The following ACBD3 variants were observed in gnomAD, a reference collection of about 807,000 sequenced individuals.
ACBD3 encodes acyl-CoA binding domain containing 3, also known as Golgi resident protein GCP60.
A neutral mutation model predicts 66.9 loss-of-function variants in ACBD3; 30 were observed. The ratio of observed to expected loss-of-function variants is 0.45; its 90% CI spans 0.34 to 0.61. ACBD3 has a LOEUF of 0.61. ACBD3 is among the 20% of genes least tolerant of loss of function. The probability of loss-of-function intolerance (pLI) is 0.02; values close to 1 mark genes in which losing one functional copy is unlikely to be tolerated. For missense variants in ACBD3, 544 were observed against 664.5 expected (o/e 0.82, Z 1.99); for synonymous variants, 278 against 259.8 (o/e 1.07, Z -0.68).
chr1:226,177,206 G>A (rs191298566), intron 1 of ACBD3, among the ~76,000 whole-genome samples: 3 of 141,464 alleles, frequency 2.1e-5, no homozygotes, highest in East Asian at 2.1e-4. Flanking sequence ...TGCTTTTGTC[G>A]CTTGAACCGG....
At chr1:226,183,536 T>A (rs1013927513) in intron 1 of ACBD3, among the ~76,000 whole-genome samples, 4 of 152,012 alleles carry the variant, frequency 2.6e-5, no homozygotes, top group Non-Finnish European at 5.9e-5. Flanking sequence ...AACCATAGAA[T>A]AGCGATTAAA....
At chr1:226,152,269 T>C (rs1475189745) in intron 7 of ACBD3, 66 bp downstream of exon 7, 2 of 1,575,802 alleles carry the variant, frequency 1.3e-6, no homozygotes, top group Non-Finnish European at 1.7e-6. Context: ...GGGTGACACC[T>C]GAACTATGTA....
chr1:226,162,445 T>A (rs921776918), intron 3 of ACBD3, among the ~76,000 whole-genome samples: 1 of 152,226 alleles, frequency 6.6e-6, no homozygotes, highest in East Asian at 1.9e-4. Flanking sequence ...TATTTGTGTA[T>A]TATTTCTGAA....
At chr1:226,184,570 A>C (rs1250483978) in intron 1 of ACBD3, among the ~76,000 whole-genome samples, 1 of 152,212 alleles carries the variant, frequency 6.6e-6, no homozygotes, top group Non-Finnish European at 1.5e-5. Flanking sequence ...ATTTTATAGA[A>C]TCCAGCTCCC....
At position 226,145,958 on chromosome 1, in the gene ACBD3, G is replaced by C. The variant is rs541473253; in HGVS notation, c.*652C>G. Reference sequence around the variant, plus strand: ...AAGAAAAATCTCTGAGGTGTTCTACGTATCTTGATACTTCAATTATCAATT... The same window carrying C: ...AAGAAAAATCTCTGAGGTGTTCTACCTATCTTGATACTTCAATTATCAATT... On this transcript the variant is annotated 3_prime_UTR_variant, in exon 8 of 8. Transcript: ENST00000366812. The C allele has an allele frequency of 2.6e-5, 4 of 152,690 alleles. No individual in the cohort carries two copies. The highest frequency in any genetic ancestry group is 9.6e-5 in the African/African-American group (4 of 41,548). 9.5% of individuals were successfully genotyped at this position (152,690 alleles called of 1,614,324 possible).
At chr1:226,159,068 T>G (rs2102779089) in intron 5 of ACBD3, 116 bp downstream of exon 5, 8 of 1,197,868 alleles carry the variant, frequency 6.7e-6, no homozygotes, top group Non-Finnish European at 9.5e-6. Context: ...AAAAGTTACT[T>G]TACACCTTAG....
chr1:226,145,010 G>T lies in ACBD3; in HGVS notation c.*1600C>A, dbSNP rs1282698421. 6.6e-6 allele frequency: 1 copy of T among 152,304 alleles called. No individual in the cohort carries two copies. The highest frequency in any genetic ancestry group is 2.4e-5 in the African/African-American group (1 of 41,380). 9.4% of individuals were successfully genotyped at this position (152,304 alleles called of 1,614,324 possible). A position where few individuals can be genotyped will look rare whatever the true frequency, so the allele number is the denominator to read the frequency against. ...TTCTCATAAAAAAAAAATCCAGGAA[G>T]TGCCTAACTCCATGGTTTCTATACC... On this transcript the variant is annotated 3_prime_UTR_variant, in exon 8 of 8. Coordinates refer to ENST00000366812, the MANE Select transcript of ACBD3 (RefSeq NM_022735.4).
At chr1:226,176,426 T>C in intron 1 of ACBD3, among the ~76,000 whole-genome samples, 1 of 70,324 alleles carries the variant, frequency 1.4e-5, no homozygotes. Context: ...CGAGACTCCG[T>C]CTCAAAAAAA....
chr1:226,145,903 A>G lies in ACBD3; in HGVS notation c.*707T>C, dbSNP rs929516281. On this transcript the variant is annotated 3_prime_UTR_variant, in exon 8 of 8. Coordinates refer to ENST00000366812, the MANE Select transcript of ACBD3 (RefSeq NM_022735.4). ...AGTAGTATGAATACCAAATAAAGAT[A>G]CAAGGATTCAAAGTTTGTGGAAGTT... The G allele has an allele frequency of 1.3e-5, 2 of 152,428 alleles. No homozygotes were observed. The highest frequency in any genetic ancestry group is 4.8e-5 in the African/African-American group (2 of 41,456). 9.4% of individuals were successfully genotyped at this position (152,428 alleles called of 1,614,324 possible).
intron 1 of ACBD3, among the ~76,000 whole-genome samples, chr1:226,171,250 G>A (rs2102786039): frequency 6.6e-6 from 1 of 151,638 alleles, no homozygotes; most frequent in African/African-American, 2.4e-5. Context: ...CTGGTTCAAG[G>A]GATTCTCCTG....
chr1:226,159,346 C>T lies in ACBD3; in HGVS notation c.741G>A (p.Met247Ile). The T allele has an allele frequency of 1.2e-6, 2 of 1,614,080 alleles. No homozygotes were observed. Among genetic ancestry groups the T allele is most frequent in the Non-Finnish European group, 1.7e-6 (2 of 1,179,966 alleles). The change falls in exon 5 of 8, where the codon ATG (methionine) becomes ATA (isoleucine). Residue 247 changes from methionine to isoleucine, a missense_variant. Transcript: ENST00000366812. ...CGGCAGTCTGGGAGTTTAAAGCTGC[C>T]ATTATCTGCTGCCTAAAAACATTAA... The part of the protein sequence containing the change: ...LRLEQQKQQI[M>I]AALNSQTAVQ...
chr1:226,164,615 A>T (rs1241225095), intron 3 of ACBD3, among the ~76,000 whole-genome samples, 174 bp downstream of exon 3: 2 of 152,152 alleles, frequency 1.3e-5, no homozygotes, highest in African/African-American at 2.4e-5. Flanking sequence ...TCCCCCCAAA[A>T]CTTATAATAC....
Position 226,145,945 on chromosome 1 carries a change from T to C in ACBD3, c.*665A>G, listed in dbSNP as rs1576226615. 6.5e-6 allele frequency: 1 copy of C among 152,696 alleles called. No homozygotes were observed. Among genetic ancestry groups the C allele is most frequent in the East Asian group, 1.9e-4 (1 of 5,186 alleles). The allele number at this position is 152,696 out of a possible 1,614,324, so 9.5% of individuals were successfully genotyped here. On this transcript the variant is annotated 3_prime_UTR_variant, in exon 8 of 8. Coordinates refer to ENST00000366812, the MANE Select transcript of ACBD3 (RefSeq NM_022735.4). ...GTGGAAGTTCCTGAAGAAAAATCTC[T>C]GAGGTGTTCTACGTATCTTGATACT...
intron 1 of ACBD3, among the ~76,000 whole-genome samples, chr1:226,177,137 G>A (rs910610151): frequency 2.6e-5 from 4 of 151,492 alleles, no homozygotes; most frequent in African/African-American, 4.9e-5. Context: ...TGCACAATGC[G>A]GCAGAGGAAC....
intron 1 of ACBD3, among the ~76,000 whole-genome samples, chr1:226,166,762 C>T (rs1175914919): frequency 6.6e-6 from 1 of 152,110 alleles, no homozygotes; most frequent in African/African-American, 2.4e-5. Context: ...GCTGGCATTA[C>T]AAGTGTGGAC....
At chr1:226,182,765 C>G (rs190209968) in intron 1 of ACBD3, among the ~76,000 whole-genome samples, 62 of 152,312 alleles carry the variant, frequency 4.1e-4, no homozygotes, top group Middle Eastern at 6.8e-3. Context: ...GGCCTTCCCC[C>G]CTCTGGAATG....
chr1:226,166,066 A>T (rs1659871214), intron 1 of ACBD3, 66 bp from the exon 2 acceptor site: 1 of 1,484,000 alleles, frequency 6.7e-7, no homozygotes, highest in Admixed American at 2.5e-5. Context: ...TCAGCATTAT[A>T]TACTAAAGCT....
intron 1 of ACBD3, 104 bp downstream of exon 1, chr1:226,186,286 G>A (rs1253998990): frequency 1.3e-5 from 18 of 1,335,332 alleles, no homozygotes; most frequent in Non-Finnish European, 1.7e-5. Context: ...AGCCCAGTAT[G>A]AGTGGGTGAG....
At chr1:226,186,032 AAAT>A (rs1363094559) in intron 1 of ACBD3, among the ~76,000 whole-genome samples, 1 of 152,220 alleles carries the variant, frequency 6.6e-6, no homozygotes, top group Non-Finnish European at 1.5e-5. Flanking sequence ...TCAGTTAAAA[AAAT>A]AATAATAATA....
Sources: gnomAD v4.1 joint callset for allele counts (sites outside exome capture counted in the v4.1 genomes callset) on GRCh38, gnomAD v4.1.1 for gene constraint, MANE v1.5 for transcripts, NCBI Gene and HGNC (gene_info 2026-07-23, HGNC 2026-07-21) for gene names.